PTPRG: variants seen among roughly 807,000 people sequenced by gnomAD.
PTPRG encodes protein tyrosine phosphatase receptor type G.
PTPRG carries 102 observed loss-of-function variants against 165.3 expected under a neutral mutation model. That is an observed-to-expected ratio of 0.62 (90% CI 0.53 to 0.73). The LOEUF is 0.73. PTPRG is among the 30% of genes least tolerant of loss of function. The pLI is 0.00. For missense variants in PTPRG, 1,866 were observed against 1,861.4 expected (o/e 1.00, Z -0.05); for synonymous variants, 675 against 669.5 (o/e 1.01, Z -0.13).
Position 62,289,701 on chromosome 3 carries a change from C to T in PTPRG, c.4056-2720C>T, listed in dbSNP as rs573174226. On this transcript the variant is annotated intron_variant, in intron 28 of 29. Coordinates refer to ENST00000474889, the MANE Select transcript of PTPRG (RefSeq NM_002841.4). ...ATAAAACAACACCCATTCATGATCC[C>T]CCCCCCCCAAAAAAAACACTTAGAG... 1.1e-4 allele frequency among the ~76,000 whole-genome samples: 15 copies of T among 131,666 alleles called. No individual in the cohort carries two copies. In the East Asian group the frequency reaches 3.7e-3, roughly 32 times the overall value. 86.4% of individuals were successfully genotyped at this position (131,666 alleles called of 152,430 possible). A position where few individuals can be genotyped will look rare whatever the true frequency, so the allele number is the denominator to read the frequency against.
At chr3:61,885,296 T>C (rs562554776) in intron 2 of PTPRG, among the ~76,000 whole-genome samples, 9 of 152,330 alleles carry the variant, frequency 5.9e-5, no homozygotes, top group African/African-American at 1.7e-4. Context: ...AAACCACCTG[T>C]GTGGATTTCT....
rs1311689287 is a variant in PTPRG at position 62,195,865 on chromosome 3, C to T, written c.1327+695C>T. Among the ~76,000 whole-genome samples the T allele has an allele frequency of 6.6e-6, 1 of 152,060 alleles. No homozygotes were observed. The highest frequency in any genetic ancestry group is 1.5e-5 in the Non-Finnish European group (1 of 68,008). On this transcript the variant is annotated intron_variant, in intron 10 of 29. Coordinates refer to ENST00000474889, the MANE Select transcript of PTPRG (RefSeq NM_002841.4). The surrounding 1 kb of genome is among the most constrained non-coding windows in gnomAD (Gnocchi z 4.4). Reference sequence around the variant, plus strand: ...CTGGAGTGCAGTGGGGTGGTGTTGGCTCACTGCAACCTCTGCCTCCTGGGT... The same window carrying T: ...CTGGAGTGCAGTGGGGTGGTGTTGGTTCACTGCAACCTCTGCCTCCTGGGT...
At chr3:62,249,841 G>T (rs529459104) in intron 15 of PTPRG, among the ~76,000 whole-genome samples, 2 of 152,260 alleles carry the variant, frequency 1.3e-5, no homozygotes, top group South Asian at 4.1e-4. Flanking sequence ...TCTTTTAAAT[G>T]TAAGCTCTAG....
intron 4 of PTPRG, among the ~76,000 whole-genome samples, chr3:62,044,346 C>G (rs1188955551): frequency 6.6e-6 from 1 of 152,172 alleles, no homozygotes; most frequent in Non-Finnish European, 1.5e-5. Context: ...CAAGACAAGC[C>G]TGACCAATAT....
At chr3:62,058,438 T>G (rs1559771716) in intron 4 of PTPRG, among the ~76,000 whole-genome samples, 1 of 152,072 alleles carries the variant, frequency 6.6e-6, no homozygotes, top group Non-Finnish European at 1.5e-5. Flanking sequence ...CTGAAAGTGT[T>G]GGGATTACAT....
At chr3:61,644,126 TGG>T in intron 1 of PTPRG, among the ~76,000 whole-genome samples, 1 of 152,346 alleles carries the variant, frequency 6.6e-6, no homozygotes, top group South Asian at 2.1e-4. Context: ...TTATGTGCCC[TGG>T]AGTTCTTGGA....
intron 12 of PTPRG, among the ~76,000 whole-genome samples, chr3:62,209,696 C>T (rs564292506): frequency 6.6e-6 from 1 of 152,278 alleles, no homozygotes; most frequent in Non-Finnish European, 1.5e-5. Context: ...GGAACAAGCT[C>T]AGGGTAGGCC....
chr3:61,596,630 C>T (rs1200769692), intron 1 of PTPRG, among the ~76,000 whole-genome samples: 1 of 152,110 alleles, frequency 6.6e-6, no homozygotes, highest in Non-Finnish European at 1.5e-5. Flanking sequence ...GTCCGAGACC[C>T]ATTCAGAGTC....
Position 62,296,015 on chromosome 3 carries a change from G to T in PTPRG, c.*2708G>T, listed in dbSNP as rs1208780891. The T allele has an allele frequency of 1.3e-5, 2 of 152,024 alleles. No individual in the cohort carries two copies. Among genetic ancestry groups the T allele is most frequent in the Admixed American group, 1.3e-4 (2 of 15,228 alleles). The allele number at this position is 152,024 out of a possible 1,614,324, so 9.4% of individuals were successfully genotyped here. On this transcript the variant is annotated 3_prime_UTR_variant, in exon 30 of 30. Transcript: ENST00000474889. Reference sequence around the variant, plus strand: ...TGCAACTTAATAAAATAAGCTGTTTGTGTATATGAATTTAGCTCTAGGTAA... The same window carrying T: ...TGCAACTTAATAAAATAAGCTGTTTTTGTATATGAATTTAGCTCTAGGTAA...
In PTPRG at chr3:62,273,766, A is replaced by C; in HGVS notation, c.3387A>C (p.Ser1129=). 5 of 1,613,834 alleles carry C rather than the reference A, an allele frequency of 3.1e-6. No individual in the cohort carries two copies. The highest frequency in any genetic ancestry group is 4.2e-6 in the Non-Finnish European group (5 of 1,179,752). ...TTGGAAAGGAGACTGAAGTATCTTC[A>C]AATCAGCTGCACAGCTATGTTAACA... The part of the protein sequence containing the change: ...AILGKETEVS[S]NQLHSYVNSI... Residue 1129 remains serine, a synonymous_variant, in exon 23 of 30, where the codon TCA becomes TCC. Coordinates refer to ENST00000474889, the MANE Select transcript of PTPRG (RefSeq NM_002841.4). This position sits in a 1 kb window ranked among gnomAD's most constrained non-coding sequence, Gnocchi z 4.1.
intron 25 of PTPRG, 96 bp from the exon 26 acceptor site, chr3:62,277,455 A>C (rs1030771308): frequency 2.3e-5 from 32 of 1,382,846 alleles, no homozygotes; most frequent in Non-Finnish European, 3.0e-5. Context: ...AGTGTAGTCA[A>C]AACAGTGCTA....
At chr3:61,844,385 TA>T (rs1387459340) in intron 2 of PTPRG, among the ~76,000 whole-genome samples, 1 of 152,254 alleles carries the variant, frequency 6.6e-6, no homozygotes, top group Non-Finnish European at 1.5e-5. Flanking sequence ...GAATTTGAGA[TA>T]AATGACAAAT....
chr3:62,160,259 C>T (rs1704698587), intron 7 of PTPRG, among the ~76,000 whole-genome samples: 1 of 152,232 alleles, frequency 6.6e-6, no homozygotes, highest in Non-Finnish European at 1.5e-5. Flanking sequence ...AGAGTACATA[C>T]AGGCAAACAG....
chr3:62,074,241 T>C (rs1401875391), intron 4 of PTPRG, among the ~76,000 whole-genome samples: 1 of 151,346 alleles, frequency 6.6e-6, no homozygotes, highest in Non-Finnish European at 1.5e-5. Flanking sequence ...AGAGGTATAG[T>C]ATAAATAATT....
At chr3:61,968,639 T>C (rs1366854703) in intron 2 of PTPRG, among the ~76,000 whole-genome samples, 1 of 152,228 alleles carries the variant, frequency 6.6e-6, no homozygotes, top group African/African-American at 2.4e-5. Flanking sequence ...TTGATATAGA[T>C]TTCAAACTAA....
chr3:62,007,396 C>T lies in PTPRG; in HGVS notation c.519+3899C>T, dbSNP rs145441182. Reference sequence around the variant, plus strand: ...GTACAAACAAAACAACAAAACAAGACGAAAGCTCTTCAATAACCAGTGTTC... The same window carrying T: ...GTACAAACAAAACAACAAAACAAGATGAAAGCTCTTCAATAACCAGTGTTC... On this transcript the variant is annotated intron_variant, in intron 4 of 29. Transcript: ENST00000474889. 8.6e-3 allele frequency among the ~76,000 whole-genome samples: 1,312 copies of T among 152,284 alleles called. 30 individuals are homozygous for T. The highest frequency in any genetic ancestry group is 0.03 in the African/African-American group (1,256 of 41,562).
At chr3:61,669,609 A>C (rs1398579746) in intron 1 of PTPRG, among the ~76,000 whole-genome samples, 1 of 152,194 alleles carries the variant, frequency 6.6e-6, no homozygotes, top group Non-Finnish European at 1.5e-5. Context: ...TTGTTGAATG[A>C]ATGGATGTTT....
intron 4 of PTPRG, among the ~76,000 whole-genome samples, chr3:62,019,469 G>T (rs2107756568): frequency 6.7e-6 from 1 of 149,620 alleles, no homozygotes; most frequent in Non-Finnish European, 1.5e-5. Context: ...GTTGCAGTGA[G>T]CTGAGATTGT....
intron 4 of PTPRG, among the ~76,000 whole-genome samples, chr3:62,021,983 A>G (rs892308901): frequency 7.3e-5 from 11 of 149,998 alleles, no homozygotes; most frequent in Non-Finnish European, 1.6e-4. Flanking sequence ...TTTTTTCTGT[A>G]GAACTAATTT....
Sources: allele counts gnomAD v4.1 joint callset (sites outside exome capture counted in the v4.1 genomes callset), GRCh38; gene constraint gnomAD v4.1.1; non-coding constraint Gnocchi (gnomAD v3.1); transcripts MANE v1.5; gene names NCBI Gene and HGNC (gene_info 2026-07-23, HGNC 2026-07-21).